ESR1: variants seen among roughly 807,000 people sequenced by gnomAD.
ESR1 encodes the protein estrogen receptor 1.
In ESR1, 12 loss-of-function variants were observed where a neutral mutation model predicts 52.7. That is an observed-to-expected ratio of 0.23 (90% CI 0.15 to 0.37). The LOEUF (loss-of-function observed/expected upper bound fraction) is 0.37. Ranked by LOEUF, ESR1 falls within the 10% of genes least tolerant of loss-of-function variation. The probability of loss-of-function intolerance (pLI) is 1.00; values close to 1 mark genes in which losing one functional copy is unlikely to be tolerated. For missense variants in ESR1, 584 were observed against 779.7 expected, an observed-to-expected ratio of 0.75 and a Z score of 2.99; for synonymous variants, 305 against 316.8, an observed-to-expected ratio of 0.96 and a Z score of 0.39.
intron 1 of ESR1, among the ~76,000 whole-genome samples, chr6:151,670,100 C>T (rs751662232): frequency 3.9e-5 from 6 of 152,162 alleles, no homozygotes; most frequent in Admixed American, 6.5e-5. Context: ...TTTCTTTAGC[C>T]GTAACTCCTC....
chr6:152,074,762 A>T (rs2048601220), intron 6 of ESR1, among the ~76,000 whole-genome samples: 1 of 152,096 alleles, frequency 6.6e-6, no homozygotes, highest in African/African-American at 2.4e-5. Context: ...GGTGTTGTCA[A>T]TGTTCTGGAT....
intron 5 of ESR1, among the ~76,000 whole-genome samples, chr6:152,034,007 T>C (rs1190894325): frequency 6.6e-6 from 1 of 152,122 alleles, no homozygotes; most frequent in Non-Finnish European, 1.5e-5. Context: ...TGGATGAAAC[T>C]GGAAACCATC....
intron 2 of ESR1, among the ~76,000 whole-genome samples, chr6:151,798,960 T>A (rs1028729455): frequency 1.3e-5 from 2 of 152,222 alleles, no homozygotes; most frequent in Admixed American, 1.3e-4. Context: ...TCAATGTTTT[T>A]AACTTATGTT....
At chr6:152,023,548 C>T (rs2043866390) in intron 5 of ESR1, among the ~76,000 whole-genome samples, 1 of 152,218 alleles carries the variant, frequency 6.6e-6, no homozygotes, top group African/African-American at 2.4e-5. Flanking sequence ...ATTCTCATAC[C>T]AAATAAACTT....
intron 1 of ESR1, 52 bp downstream of exon 1, chr6:151,808,416 G>C (rs1778227696): frequency 5.1e-6 from 4 of 789,680 alleles, no homozygotes; most frequent in Admixed American, 3.2e-5. Flanking sequence ...CGGCAGGAGG[G>C]AGGGAGGGAG....
intron 2 of ESR1, among the ~76,000 whole-genome samples, chr6:151,704,472 C>A (rs1277849024): frequency 6.6e-6 from 1 of 152,174 alleles, no homozygotes; most frequent in African/African-American, 2.4e-5. Flanking sequence ...CCAGGCTGGT[C>A]TTGAACTCCT....
At chr6:151,792,584 C>T (rs1040435340) in intron 2 of ESR1, among the ~76,000 whole-genome samples, 5 of 151,926 alleles carry the variant, frequency 3.3e-5, no homozygotes, top group Admixed American at 1.3e-4. Flanking sequence ...GTACTGCAGA[C>T]GTACACTACT....
chr6:152,081,356 A>G (rs1585154808), intron 6 of ESR1, among the ~76,000 whole-genome samples: 2 of 152,244 alleles, frequency 1.3e-5, no homozygotes, highest in African/African-American at 4.8e-5. Context: ...GAAACTGAAC[A>G]ACCTGCTCCT....
chr6:151,784,435 C>T (rs1283103004), intron 2 of ESR1, among the ~76,000 whole-genome samples: 1 of 152,070 alleles, frequency 6.6e-6, no homozygotes, highest in Non-Finnish European at 1.5e-5. Flanking sequence ...TATAAAAACA[C>T]TTTAAAAAAA....
In ESR1 at chr6:151,808,053, C is replaced by A. The variant is rs1778157396; in HGVS notation, c.141C>A (p.Ser47Arg). The A allele has an allele frequency of 6.2e-7, 1 of 1,613,546 alleles. No individual in the cohort carries two copies. The highest frequency in any genetic ancestry group is 8.5e-7 in the Non-Finnish European group (1 of 1,179,886). Residue 47 changes from serine (S) to arginine (R), a missense_variant, in exon 1 of 8, where the codon AGC (serine) becomes AGA (arginine). Coordinates refer to ENST00000206249, the MANE Select transcript of ESR1 (RefSeq NM_000125.4). ...TGGGCGAGGTGTACCTGGACAGCAGCAAGCCCGCCGTGTACAACTACCCCG... is the reference window on the plus strand; with the variant it reads ...TGGGCGAGGTGTACCTGGACAGCAGAAAGCCCGCCGTGTACAACTACCCCG... ...RPLGEVYLDS[S>R]KPAVYNYPEG...
At chr6:152,084,163 A>G (rs1162199185) in intron 6 of ESR1, among the ~76,000 whole-genome samples, 4 of 152,052 alleles carry the variant, frequency 2.6e-5, no homozygotes, top group Non-Finnish European at 5.9e-5. Context: ...TAAGCAAACT[A>G]TCATGAGGAC....
intron 6 of ESR1, among the ~76,000 whole-genome samples, chr6:152,084,278 G>A (rs1366189412): frequency 2.0e-5 from 3 of 151,882 alleles, no homozygotes; most frequent in Non-Finnish European, 2.9e-5. Context: ...GTCAGGGGTT[G>A]GGGGGCTGGG....
At chr6:152,105,757 T>C (rs1361458678), downstream of ESR1, among the ~76,000 whole-genome samples, 2 of 149,216 alleles carry the variant, frequency 1.3e-5, no homozygotes, top group Non-Finnish European at 3.0e-5. Flanking sequence ...ATTTTCTTAG[T>C]GATTGCTCAG....
chr6:151,996,359 T>G (rs2041482996), intron 4 of ESR1, among the ~76,000 whole-genome samples: 1 of 152,150 alleles, frequency 6.6e-6, no homozygotes, highest in Non-Finnish European at 1.5e-5. Flanking sequence ...ATGTGTTCTA[T>G]TTGTTCCTGA....
chr6:151,886,387 C>T (rs1793853163), intron 3 of ESR1, among the ~76,000 whole-genome samples: 1 of 152,064 alleles, frequency 6.6e-6, no homozygotes, highest in Admixed American at 6.5e-5. Context: ...TTCCTTATAA[C>T]ACATTAAGAA....
At chr6:152,041,918 G>A (rs2045833372) in intron 5 of ESR1, among the ~76,000 whole-genome samples, 3 of 152,178 alleles carry the variant, frequency 2.0e-5, no homozygotes, top group Admixed American at 2.0e-4. Context: ...CTCAAGTAAT[G>A]AACCCATATC....
intron 2 of ESR1, among the ~76,000 whole-genome samples, chr6:151,855,561 A>G (rs1787679122): frequency 1.3e-5 from 2 of 152,176 alleles, no homozygotes; most frequent in Admixed American, 1.3e-4. Context: ...TGTAACAGAT[A>G]TGTATTGAAT....
At chr6:151,681,744 G>A (rs1445118420) in intron 1 of ESR1, among the ~76,000 whole-genome samples, 2 of 152,134 alleles carry the variant, frequency 1.3e-5, no homozygotes, top group Admixed American at 6.6e-5. Flanking sequence ...GGATCCGGTC[G>A]CTTTGTGGGT....
chr6:152,070,958 G>T (rs2128985813), intron 6 of ESR1, among the ~76,000 whole-genome samples: 1 of 138,760 alleles, frequency 7.2e-6, no homozygotes, highest in East Asian at 2.3e-4. Context: ...TTGTTTGTTA[G>T]CTTGATCACC....
Sources: allele counts gnomAD v4.1 joint callset (sites outside exome capture counted in the v4.1 genomes callset), GRCh38; gene constraint gnomAD v4.1.1; transcripts MANE v1.5; gene names NCBI Gene and HGNC (gene_info 2026-07-23, HGNC 2026-07-21).